The following DLG1 variants were observed in gnomAD, a reference collection of about 807,000 sequenced individuals.
DLG1 encodes the protein discs large MAGUK scaffold protein 1.
In DLG1, 42 loss-of-function variants were observed where a neutral mutation model predicts 123.4. The observed-to-expected ratio is 0.34, with a 90% CI of 0.27 to 0.44. The LOEUF (loss-of-function observed/expected upper bound fraction) is 0.44, where lower values mean the gene tolerates loss of function less well. Among genes scored for constraint, DLG1 ranks in the 20% least tolerant of loss-of-function variants. The pLI is 1.00. For missense variants in DLG1, 942 were observed against 1,082.6 expected (o/e 0.87, Z 1.82); for synonymous variants, 317 against 356.2 (o/e 0.89, Z 1.24).
chr3:197,061,924 C>T (rs928338727), intron 22 of DLG1, among the ~76,000 whole-genome samples: 1 of 152,064 alleles, frequency 6.6e-6, no homozygotes, highest in South Asian at 2.1e-4. Flanking sequence ...TATAAATATC[C>T]CTTTTTTCAT....
intron 4 of DLG1, among the ~76,000 whole-genome samples, chr3:197,266,815 T>C (rs1761887405): frequency 6.6e-6 from 1 of 151,664 alleles, no homozygotes; most frequent in South Asian, 2.1e-4. Flanking sequence ...ATCATATCAG[T>C]GAACTGCAGA....
chr3:197,224,350 T>C (rs1482656910), intron 4 of DLG1, among the ~76,000 whole-genome samples: 2 of 152,174 alleles, frequency 1.3e-5, no homozygotes, highest in African/African-American at 2.4e-5. Context: ...ACATCTTATA[T>C]ACATAAGATG....
intron 18 of DLG1, among the ~76,000 whole-genome samples, chr3:197,072,904 CCAGGCTGGT>C (rs1453687994): frequency 1.3e-5 from 2 of 152,092 alleles, no homozygotes; most frequent in Non-Finnish European, 2.9e-5. Context: ...GCCATGTTGG[CCAGGCTGGT>C]CTCGAATTCC....
At chr3:197,116,202 A>G in intron 12 of DLG1, 119 bp from the exon 13 acceptor site, 1 of 740,766 alleles carries the variant, frequency 1.3e-6, no homozygotes, top group Non-Finnish European at 2.1e-6. Context: ...GCTAGACAAA[A>G]TATAAATGGT....
chr3:197,120,952 T>G (rs1394635233), intron 11 of DLG1, among the ~76,000 whole-genome samples: 1 of 152,208 alleles, frequency 6.6e-6, no homozygotes. Flanking sequence ...AATTGGTATG[T>G]AGCCCTCAAT....
intron 2 of DLG1, 78 bp downstream of exon 2, chr3:197,297,108 T>G: frequency 6.6e-7 from 1 of 1,512,032 alleles, no homozygotes; most frequent in South Asian, 1.1e-5. Flanking sequence ...ACACAAACGA[T>G]TCTAAAACGG....
intron 5 of DLG1, among the ~76,000 whole-genome samples, chr3:197,168,669 T>C (rs1309336444): frequency 1.3e-5 from 2 of 152,258 alleles, no homozygotes; most frequent in Non-Finnish European, 2.9e-5. Flanking sequence ...AAAAATCTTA[T>C]ATAACTATTT....
intron 4 of DLG1, among the ~76,000 whole-genome samples, chr3:197,233,213 T>C (rs1159820349): frequency 1.3e-5 from 2 of 152,108 alleles, no homozygotes; most frequent in Admixed American, 1.3e-4. Context: ...AAAAATTTAG[T>C]AATAAATGTA....
intron 5 of DLG1, among the ~76,000 whole-genome samples, chr3:197,158,634 CAA>C (rs71623339): frequency 4.6e-4 from 31 of 67,488 alleles, no homozygotes; most frequent in African/African-American, 7.7e-4. Context: ...AACTCCATTT[CAA>C]AAAAAAAAAA....
At chr3:197,165,220 A>C (rs950497825) in intron 5 of DLG1, among the ~76,000 whole-genome samples, 1 of 152,194 alleles carries the variant, frequency 6.6e-6, no homozygotes, top group Non-Finnish European at 1.5e-5. Flanking sequence ...GAAGGATGGG[A>C]GATCCATTGT....
intron 3 of DLG1, among the ~76,000 whole-genome samples, chr3:197,294,442 C>G (rs1018071910): frequency 5.3e-5 from 8 of 151,958 alleles, no homozygotes; most frequent in African/African-American, 1.9e-4. Flanking sequence ...GTCAGGAGAT[C>G]GAGACCATCC....
chr3:197,280,797 A>G (rs1192397362), intron 4 of DLG1, among the ~76,000 whole-genome samples: 3 of 152,216 alleles, frequency 2.0e-5, no homozygotes, highest in Admixed American at 1.3e-4. Flanking sequence ...CTAACCTAGA[A>G]CTAAGACAAT....
chr3:197,279,811 A>G (rs1768294247), intron 4 of DLG1, among the ~76,000 whole-genome samples: 1 of 152,238 alleles, frequency 6.6e-6, no homozygotes, highest in African/African-American at 2.4e-5. Context: ...CTTTCAGCTT[A>G]CAAAACTGTC....
In DLG1 at chr3:197,136,613, C is replaced by T; in HGVS notation, c.949G>A (p.Val317Ile). 6.2e-7 allele frequency: 1 copy of T among 1,613,568 alleles called. No homozygotes were observed. The highest frequency in any genetic ancestry group is 8.5e-7 in the Non-Finnish European group (1 of 1,179,724). ...GCACCTCCTTCAATTATTTTGGTTA[C>T]ATAGATGCTATTATCCCCAGGAATA... ...QHIPGDNSIY[V>I]TKIIEGGAAH... The change falls in exon 10 of 25, where the codon GTA becomes ATA. Residue 317 changes from valine to isoleucine, a missense_variant. Val to Ile is a conservative substitution (Grantham distance 29). Transcript: ENST00000667157.
chr3:197,198,487 C>CCAAA (rs1723828743), intron 4 of DLG1, among the ~76,000 whole-genome samples: 1 of 109,648 alleles, frequency 9.1e-6, no homozygotes, highest in South Asian at 2.9e-4. Flanking sequence ...ACTCAGTCTC[C>CCAAA]AAAAAAAAAA....
At chr3:197,083,601 C>G (rs1560541248) in intron 16 of DLG1, among the ~76,000 whole-genome samples, 1 of 152,124 alleles carries the variant, frequency 6.6e-6, no homozygotes, top group South Asian at 2.1e-4. Context: ...CCATCCTTTG[C>G]AAAGAGGGCC....
At chr3:197,197,357 T>C (rs1413050547) in intron 4 of DLG1, among the ~76,000 whole-genome samples, 1 of 152,240 alleles carries the variant, frequency 6.6e-6, no homozygotes, top group African/African-American at 2.4e-5. Flanking sequence ...AACTAATTCA[T>C]TCACTGGGAT....
chr3:197,293,388 T>C (rs1037889283), intron 3 of DLG1, among the ~76,000 whole-genome samples: 6 of 152,224 alleles, frequency 3.9e-5, no homozygotes, highest in African/African-American at 1.2e-4. Flanking sequence ...CTATCAGCAC[T>C]AGACCAATGA....
chr3:197,277,426 C>T (rs185809169), intron 4 of DLG1, among the ~76,000 whole-genome samples: 13 of 152,112 alleles, frequency 8.5e-5, no homozygotes, highest in Non-Finnish European at 4.4e-5. Context: ...TGGCAACCTC[C>T]GCTTCCTAGG....
Sources: gnomAD v4.1 joint callset for allele counts (sites outside exome capture counted in the v4.1 genomes callset) on GRCh38, gnomAD v4.1.1 for gene constraint, MANE v1.5 for transcripts, NCBI Gene and HGNC (gene_info 2026-07-23, HGNC 2026-07-21) for gene names.